Variants in PLXDC2 observed in about 807,000 individuals in gnomAD.
PLXDC2 encodes the protein plexin domain containing 2, also known as plexin domain-containing protein 2.
Under a neutral mutation model 68.9 loss-of-function variants are expected in PLXDC2, and 40 were observed. The ratio of observed to expected loss-of-function variants is 0.58; its 90% CI spans 0.45 to 0.76. PLXDC2 has a LOEUF of 0.76. Among genes scored for constraint, PLXDC2 ranks in the 30% least tolerant of loss-of-function variants. The pLI is 0.00. For missense variants in PLXDC2, 644 were observed against 661.9 expected (o/e 0.97, Z 0.30); for synonymous variants, 243 against 234.2 (o/e 1.04, Z -0.34).
intron 1 of PLXDC2, among the ~76,000 whole-genome samples, chr10:19,891,025 C>T (rs1463249480): frequency 6.6e-6 from 1 of 152,094 alleles, no homozygotes; most frequent in Non-Finnish European, 1.5e-5. Flanking sequence ...CTTCTGACCT[C>T]ATTTCTTTCT....
At chr10:20,045,763 A>C (rs904731032) in intron 2 of PLXDC2, among the ~76,000 whole-genome samples, 9 of 152,142 alleles carry the variant, frequency 5.9e-5, no homozygotes, top group African/African-American at 1.7e-4. Context: ...TATTATTCAA[A>C]TCATAGACCT....
At chr10:19,860,715 T>G (rs1189285938) in intron 1 of PLXDC2, among the ~76,000 whole-genome samples, 1 of 152,180 alleles carries the variant, frequency 6.6e-6, no homozygotes, top group East Asian at 1.9e-4. Flanking sequence ...TAAATATGTG[T>G]TGAATGTACT....
chr10:19,975,555 C>T (rs1266060052), intron 1 of PLXDC2, among the ~76,000 whole-genome samples: 1 of 152,100 alleles, frequency 6.6e-6, no homozygotes, highest in Non-Finnish European at 1.5e-5. Flanking sequence ...CACACACCAT[C>T]CCCCCAACTT....
chr10:20,240,863 A>G (rs1430152635), intron 12 of PLXDC2, among the ~76,000 whole-genome samples: 3 of 152,182 alleles, frequency 2.0e-5, no homozygotes, highest in African/African-American at 7.2e-5. Context: ...AAGTCTTGTA[A>G]TATTTTGGAG....
At chr10:19,822,223 T>A (rs74978403) in intron 1 of PLXDC2, among the ~76,000 whole-genome samples, 18,113 of 148,966 alleles carry the variant, frequency 0.12, 1,285 homozygotes, top group Non-Finnish European at 0.15. Context: ...ATATATGCAC[T>A]ACATATGCAA....
At chr10:20,201,044 G>A (rs773763414) in intron 9 of PLXDC2, among the ~76,000 whole-genome samples, 9 of 151,932 alleles carry the variant, frequency 5.9e-5, no homozygotes, top group Non-Finnish European at 8.8e-5. Context: ...GCAAAGGAAG[G>A]GAAATCAGTA....
chr10:20,034,426 A>G (rs1251534257), intron 2 of PLXDC2, among the ~76,000 whole-genome samples: 1 of 151,972 alleles, frequency 6.6e-6, no homozygotes, highest in Non-Finnish European at 1.5e-5. Context: ...TTTGATTGCT[A>G]CTCTTTCTAT....
intron 1 of PLXDC2, among the ~76,000 whole-genome samples, chr10:19,945,926 C>T (rs542032714): frequency 3.9e-5 from 6 of 152,278 alleles, no homozygotes; most frequent in African/African-American, 1.4e-4. Context: ...TTTTCACACC[C>T]GCTTCCAAAT....
intron 1 of PLXDC2, among the ~76,000 whole-genome samples, chr10:19,966,158 G>A (rs774291540): frequency 1.1e-4 from 15 of 142,496 alleles, no homozygotes; most frequent in African/African-American, 2.7e-4. Context: ...ATATAAACAC[G>A]CACACATATA....
chr10:19,971,922 A>G (rs1042402624), intron 1 of PLXDC2, among the ~76,000 whole-genome samples: 4 of 151,994 alleles, frequency 2.6e-5, no homozygotes, highest in African/African-American at 9.7e-5. Flanking sequence ...TGGGGATCTG[A>G]TTGGGCAGGG....
At chr10:20,276,993 C>T (rs1436684348) in intron 13 of PLXDC2, among the ~76,000 whole-genome samples, 1 of 151,846 alleles carries the variant, frequency 6.6e-6, no homozygotes, top group Non-Finnish European at 1.5e-5. Flanking sequence ...GGGTGGATCA[C>T]GAGGTCAGGG....
intron 4 of PLXDC2, among the ~76,000 whole-genome samples, chr10:20,135,769 G>A (rs559070646): frequency 2.6e-5 from 4 of 152,174 alleles, no homozygotes; most frequent in African/African-American, 7.2e-5. Flanking sequence ...GAATGGTTTC[G>A]TTGTGGTTTA....
Position 20,105,048 on chromosome 10 carries a change from CAAAAAAAAAAA to C in PLXDC2, c.541+36822_541+36832del, listed in dbSNP as rs11289832. 1.2e-4 allele frequency among the ~76,000 whole-genome samples: 12 copies of C among 97,270 alleles called. No individual in the cohort carries two copies. In the East Asian group the frequency reaches 1.7e-3, roughly 14 times the overall value. The allele number at this position is 97,270 out of a possible 152,430, so 63.8% of individuals were successfully genotyped here. A position where few individuals can be genotyped will look rare whatever the true frequency, so the allele number is the denominator to read the frequency against. On this transcript the variant is annotated intron_variant, in intron 4 of 13. Coordinates refer to ENST00000377252, the MANE Select transcript of PLXDC2 (RefSeq NM_032812.9). The stretch of plus-strand genomic sequence containing the variant: ...CCTGGCGACAGAGCTAGACTCCATC[CAAAAAAAAAAA>C]AAAAAAAAAAAAGAGCTTCCAGATC...
At chr10:20,002,468 C>T (rs1441703264) in intron 2 of PLXDC2, among the ~76,000 whole-genome samples, 4 of 152,046 alleles carry the variant, frequency 2.6e-5, no homozygotes, top group Admixed American at 6.6e-5. Context: ...CCATGTTTGC[C>T]AGGCTGGTCT....
At chr10:19,938,958 T>C (rs1291203372) in intron 1 of PLXDC2, among the ~76,000 whole-genome samples, 2 of 152,098 alleles carry the variant, frequency 1.3e-5, no homozygotes, top group Admixed American at 6.6e-5. Context: ...TAAGAATGAA[T>C]GGATGACAAG....
chr10:20,037,024 A>G (rs778582993), intron 2 of PLXDC2, among the ~76,000 whole-genome samples: 1 of 152,180 alleles, frequency 6.6e-6, no homozygotes, highest in Non-Finnish European at 1.5e-5. Flanking sequence ...ATACCTAGCA[A>G]TCACTTTCTG....
At chr10:19,945,258 G>T (rs1040104095) in intron 1 of PLXDC2, among the ~76,000 whole-genome samples, 5 of 152,144 alleles carry the variant, frequency 3.3e-5, no homozygotes. Context: ...TTCTTTTGCT[G>T]ACCTAGTAAC....
intron 1 of PLXDC2, among the ~76,000 whole-genome samples, chr10:19,821,377 G>T (rs969356788): frequency 1.3e-5 from 2 of 152,182 alleles, no homozygotes; most frequent in African/African-American, 4.8e-5. Context: ...TTTATCTCAA[G>T]TGACACTCTC....
At chr10:19,830,373 C>T (rs12263862) in intron 1 of PLXDC2, among the ~76,000 whole-genome samples, 10,136 of 152,278 alleles carry the variant, frequency 0.067, 454 homozygotes, top group African/African-American at 0.12. Context: ...TTCAGGTCAG[C>T]ATCTACCATG....
Sources: gnomAD v4.1 joint callset for allele counts (sites outside exome capture counted in the v4.1 genomes callset) on GRCh38, gnomAD v4.1.1 for gene constraint, MANE v1.5 for transcripts, NCBI Gene and HGNC (gene_info 2026-07-23, HGNC 2026-07-21) for gene names.